The following MTCH1 variants were observed in gnomAD, a reference collection of about 807,000 sequenced individuals.
The protein encoded by MTCH1 is mitochondrial carrier 1.
Under a neutral mutation model 49.3 loss-of-function variants are expected in MTCH1, and 23 were observed. The observed-to-expected ratio is 0.47, with a 90% CI of 0.34 to 0.66. MTCH1 has a LOEUF of 0.66. MTCH1 is among the 30% of genes least tolerant of loss of function. The pLI is 0.01. For missense variants in MTCH1, 397 were observed against 532.1 expected (o/e 0.75, Z 2.50); for synonymous variants, 229 against 215.2 (o/e 1.06, Z -0.56).
At chr6:36,980,643 A>G (rs1756263492) in intron 2 of MTCH1, among the ~76,000 whole-genome samples, 3 of 152,270 alleles carry the variant, frequency 2.0e-5, no homozygotes, top group Admixed American at 6.5e-5. Context: ...AAGGTAAGAC[A>G]GAGGCCAAGC....
chr6:36,978,872 C>T (rs968665672), intron 2 of MTCH1, among the ~76,000 whole-genome samples: 2,334 of 138,176 alleles, frequency 0.017, 75 homozygotes, highest in African/African-American at 0.065. Context: ...CCCTCCCTCC[C>T]TCCTTTTTTT....
intron 7 of MTCH1, among the ~76,000 whole-genome samples, chr6:36,973,654 C>G (rs1763758412): frequency 6.6e-6 from 1 of 152,160 alleles, no homozygotes; most frequent in African/African-American, 2.4e-5. Context: ...TGCACTGTAA[C>G]ATGTATGAGT....
Position 36,968,831 on chromosome 6 carries a change from G to GC in MTCH1, c.*71dup. 1 of 1,606,972 alleles carries GC rather than the reference G, an allele frequency of 6.2e-7. No individual in the cohort carries two copies. Among genetic ancestry groups the GC allele is most frequent in the Non-Finnish European group, 8.5e-7 (1 of 1,174,678 alleles). ...GTTGTTGTTGGGTTGGAGTCGTCTTGCAGGTGTCCCAAGGTGGTCAGGCCT... is the reference window on the plus strand; with the variant it reads ...GTTGTTGTTGGGTTGGAGTCGTCTTGCCAGGTGTCCCAAGGTGGTCAGGCCT... On this transcript the variant is annotated 3_prime_UTR_variant, in exon 12 of 12. Transcript: ENST00000373627.
chr6:36,985,982 C>T lies in MTCH1; in HGVS notation c.192G>A (p.Arg64=). The change falls in exon 1 of 12, where the codon AGG becomes AGA. Residue 64 remains arginine, a synonymous_variant. Transcript: ENST00000373627. ...PRPAAQPSAR[R]MDGGSGGLGS... ...CCAGGCCCCCTGACCCGCCATCCAT[C>T]CTGCGGGCCGAGGGCTGAGCCGCAG... 1 of 1,546,562 alleles carries T rather than the reference C, an allele frequency of 6.5e-7. No homozygotes were observed. The highest frequency in any genetic ancestry group is 8.7e-7 in the Non-Finnish European group (1 of 1,146,032).
At chr6:36,979,206 A>C (rs1175987606) in intron 2 of MTCH1, among the ~76,000 whole-genome samples, 1 of 152,170 alleles carries the variant, frequency 6.6e-6, no homozygotes, top group East Asian at 1.9e-4. Context: ...GGCATTGATT[A>C]GTCAAGGGAA....
At chr6:36,976,011 A>G (rs6905093) in intron 6 of MTCH1, among the ~76,000 whole-genome samples, 36,247 of 152,042 alleles carry the variant, frequency 0.24, 4,442 homozygotes, top group South Asian at 0.34. Flanking sequence ...TGCATCTCCT[A>G]ACTTGGGCCA....
At chr6:36,971,492 A>G (rs1008810884) in intron 8 of MTCH1, among the ~76,000 whole-genome samples, 5 of 152,030 alleles carry the variant, frequency 3.3e-5, no homozygotes, top group Admixed American at 6.6e-5. Context: ...TTACCCACCC[A>G]CAAGGCCCCC....
At chr6:36,981,528 T>C in intron 2 of MTCH1, 60 bp downstream of exon 2, 1 of 1,530,110 alleles carries the variant, frequency 6.5e-7, no homozygotes, top group Non-Finnish European at 9.0e-7. Flanking sequence ...CTGGTCCTGC[T>C]CCCCACCTGA....
chr6:36,969,588 G>T, intron 11 of MTCH1: 1 of 1,169,840 alleles, frequency 8.5e-7, no homozygotes, highest in Non-Finnish European at 1.1e-6. Context: ...CCCACCCACA[G>T]GCTCTCCTGG....
At chr6:36,986,318 C>T (rs1354577486), upstream of MTCH1, 5 of 754,942 alleles carry the variant, frequency 6.6e-6, no homozygotes, top group Non-Finnish European at 9.2e-6. Flanking sequence ...CCGGATGTGG[C>T]TCCCCGGCCG....
chr6:36,968,808 T>G lies in MTCH1; in HGVS notation c.*95A>C. ...CCGGCTGGGCTGGAGCACATCTGGTTGTTGTTGGGTTGGAGTCGTCTTGCA... is the reference window on the plus strand; with the variant it reads ...CCGGCTGGGCTGGAGCACATCTGGTGGTTGTTGGGTTGGAGTCGTCTTGCA... On this transcript the variant is annotated 3_prime_UTR_variant, in exon 12 of 12. Coordinates refer to ENST00000373627, the MANE Select transcript of MTCH1 (RefSeq NM_001271641.2). 1.3e-6 allele frequency: 2 copies of G among 1,557,452 alleles called. No individual in the cohort carries two copies. Among genetic ancestry groups the G allele is most frequent in the Non-Finnish European group, 1.8e-6 (2 of 1,134,016 alleles).
At position 36,968,763 on chromosome 6, in the gene MTCH1, G is replaced by A. The variant is rs1293560957; in HGVS notation, c.*140C>T. The A allele has an allele frequency of 7.5e-7, 1 of 1,326,862 alleles. No homozygotes were observed. The allele number at this position is 1,326,862 out of a possible 1,614,324, so 82.2% of individuals were successfully genotyped here. On this transcript the variant is annotated 3_prime_UTR_variant, in exon 12 of 12. Coordinates refer to ENST00000373627, the MANE Select transcript of MTCH1 (RefSeq NM_001271641.2). ...CAACCCCACATCTGGACAGACACATGGCAAATATGGAACTGAAGCCCGGCT... is the reference window on the plus strand; with the variant it reads ...CAACCCCACATCTGGACAGACACATAGCAAATATGGAACTGAAGCCCGGCT...
At chr6:36,969,416 T>G (rs868228467) in intron 11 of MTCH1, 29 of 1,067,210 alleles carry the variant, frequency 2.7e-5, no homozygotes, top group Admixed American at 1.5e-4. Flanking sequence ...CCCATTTCAC[T>G]GCGAGGCAAA....
chr6:36,979,954 C>T (rs1184508765), intron 2 of MTCH1, among the ~76,000 whole-genome samples: 1 of 152,172 alleles, frequency 6.6e-6, no homozygotes, highest in Non-Finnish European at 1.5e-5. Context: ...CCCAGGGCCT[C>T]CCTCATTCTG....
chr6:36,969,095 G>GCCT, intron 11 of MTCH1, 121 bp from the exon 12 acceptor site: 1 of 1,462,756 alleles, frequency 6.8e-7, no homozygotes, highest in Non-Finnish European at 9.0e-7. Context: ...CTCCGGGGTG[G>GCCT]ACGGCCTCGG....
rs1468109133 is a variant in MTCH1, at chr6:36,972,672, C to T, written c.886G>A (p.Asp296Asn). Reference protein sequence around the residue: ...VSDTPGGLGNDQNPGSQFSQA... With the variant: ...VSDTPGGLGNNQNPGSQFSQA... ...CCAACCTGGGAACCTGGATTCTGGT[C>T]GTTTCCCAGCCCCCCTGGGGTGTCA... Residue 296 changes from aspartate (D) to asparagine (N), a missense_variant, in exon 8 of 12, where the codon GAC becomes AAC. Asp to Asn is a conservative substitution (Grantham distance 23). Around this residue, in one of 2 missense-constraint regions of MTCH1, gnomAD observed 252 missense variants for 388.3 expected, o/e 0.65. Transcript: ENST00000373627. The surrounding 1 kb of genome is among the most constrained non-coding windows in gnomAD (Gnocchi z 4.1). 5.2e-6 allele frequency: 8 copies of T among 1,550,948 alleles called. No individual in the cohort carries two copies. In the South Asian group the frequency reaches 6.0e-5, roughly 12 times the overall value.
Position 36,977,562 on chromosome 6 carries a change from G to T in MTCH1, c.649+72C>A. 1 of 1,069,470 alleles carries T rather than the reference G, an allele frequency of 9.4e-7. No individual in the cohort carries two copies. The allele number at this position is 1,069,470 out of a possible 1,614,324, so 66.2% of individuals were successfully genotyped here. A position where few individuals can be genotyped will look rare whatever the true frequency, so the allele number is the denominator to read the frequency against. On this transcript the variant is annotated intron_variant, in intron 5 of 11. Coordinates refer to ENST00000373627, the MANE Select transcript of MTCH1 (RefSeq NM_001271641.2). The surrounding 1 kb of genome is among the most constrained non-coding windows in gnomAD (Gnocchi z 5.4). ...CTACGGCTGTCTATGTACAGTCCAC[G>T]AGGGGGCGCCCCTCACCCCACGCCC...
At position 36,973,592 on chromosome 6, in the gene MTCH1, G is replaced by A. The variant is rs180680440; in HGVS notation, c.762-796C>T. Among the ~76,000 whole-genome samples the A allele has an allele frequency of 2.1e-4, 32 of 152,276 alleles. No homozygotes were observed. The East Asian group carries it at 4.0e-3, about 19-fold the overall frequency. On this transcript the variant is annotated intron_variant, in intron 7 of 11. Coordinates refer to ENST00000373627, the MANE Select transcript of MTCH1 (RefSeq NM_001271641.2). ...TGTGAATGCAATTTCTAATCTTGTC[G>A]TCCCTGCCTGTGCTCAGATTGACTT...
At chr6:36,969,925 T>C (rs2150744086) in intron 11 of MTCH1, 114 bp downstream of exon 11, 1 of 1,551,782 alleles carries the variant, frequency 6.4e-7, no homozygotes, top group Non-Finnish European at 8.7e-7. Flanking sequence ...CCTCACAATA[T>C]TGAATTCCAT....
Sources: gnomAD v4.1 joint callset for allele counts (sites outside exome capture counted in the v4.1 genomes callset) on GRCh38, gnomAD v4.1.1 for gene constraint, gnomAD v4.1.1 regional missense constraint, Gnocchi (gnomAD v3.1) non-coding constraint, MANE v1.5 for transcripts, NCBI Gene and HGNC (gene_info 2026-07-23, HGNC 2026-07-21) for gene names.